Variants in GPHN observed in about 807,000 individuals in gnomAD.
GPHN encodes gephyrin.
GPHN carries 17 observed loss-of-function variants against 95.5 expected under a neutral mutation model. That is an observed-to-expected ratio of 0.18 (90% CI 0.12 to 0.27). The LOEUF (loss-of-function observed/expected upper bound fraction) is 0.27. GPHN is among the 10% of genes least tolerant of loss of function. GPHN has a pLI of 1.00. For synonymous variants in GPHN, 320 were observed against 322.5 expected (o/e 0.99, Z 0.08); for missense variants, 660 against 978.1 (o/e 0.67, Z 4.34).
At chr14:67,644,030 T>C in the GPHN span, among the ~76,000 whole-genome samples, 2 of 152,244 alleles carry the variant, frequency 1.3e-5, no homozygotes, top group East Asian at 3.8e-4. Flanking sequence ...TTCTGAGTTC[T>C]GGTCAAGTCT....
chr14:67,230,973 T>TCCAGGCTGTATATGTTACCTGC, the GPHN span, among the ~76,000 whole-genome samples: 1 of 152,340 alleles, frequency 6.6e-6, no homozygotes, highest in African/African-American at 2.4e-5. Flanking sequence ...CTTGCAGCTA[T>TCCAGGCTGTATATGTTACCTGC]CCAGGCTGTA....
intron 12 of GPHN, among the ~76,000 whole-genome samples, chr14:67,097,137 G>A (rs1371401503): frequency 1.3e-5 from 2 of 152,092 alleles, no homozygotes; most frequent in Non-Finnish European, 2.9e-5. Context: ...AGCAAATACT[G>A]TAAATATATT....
At chr14:66,546,975 C>G (rs1314937731) in intron 1 of GPHN, among the ~76,000 whole-genome samples, 2 of 152,110 alleles carry the variant, frequency 1.3e-5, no homozygotes, top group East Asian at 3.8e-4. Flanking sequence ...TTTTCTTTCT[C>G]TATTTCTTAA....
chr14:67,585,359 C>T, the GPHN span: 1 of 545,864 alleles, frequency 1.8e-6, no homozygotes, highest in Non-Finnish European at 3.3e-6. Flanking sequence ...AGTAGGTGGC[C>T]AGAGCCCCAA....
intron 10 of GPHN, among the ~76,000 whole-genome samples, chr14:67,024,527 T>A (rs114274634): frequency 4.9e-4 from 75 of 152,342 alleles, no homozygotes; most frequent in Middle Eastern, 3.4e-3. Flanking sequence ...TAGCAGTATG[T>A]CAGCATTATT....
chr14:67,199,594 C>T, the GPHN span: 6 of 1,590,898 alleles, frequency 3.8e-6, no homozygotes, highest in Admixed American at 3.3e-5. Context: ...CTTATGCCTT[C>T]GAGAAGGACT....
the GPHN span, among the ~76,000 whole-genome samples, chr14:67,632,112 C>T: frequency 6.6e-6 from 1 of 152,102 alleles, no homozygotes; most frequent in Non-Finnish European, 1.5e-5. Context: ...GTCTCAAACT[C>T]CTAGACTCAA....
the GPHN span, among the ~76,000 whole-genome samples, chr14:67,674,161 C>A: frequency 6.6e-6 from 1 of 152,208 alleles, no homozygotes; most frequent in Non-Finnish European, 1.5e-5. Flanking sequence ...ATGTGGAAGG[C>A]CATAGAAGGA....
chr14:66,956,409 A>T (rs1300906359), intron 8 of GPHN, among the ~76,000 whole-genome samples: 1 of 152,140 alleles, frequency 6.6e-6, no homozygotes, highest in African/African-American at 2.4e-5. Flanking sequence ...CAGTAATGGG[A>T]TGGCTGGGTC....
intron 1 of GPHN, among the ~76,000 whole-genome samples, chr14:66,604,649 T>G (rs1250961486): frequency 2.0e-5 from 3 of 152,184 alleles, no homozygotes; most frequent in Admixed American, 1.3e-4. Flanking sequence ...AATGCATATG[T>G]CTGATTTAAA....
chr14:67,510,377 C>T, the GPHN span, among the ~76,000 whole-genome samples: 3 of 152,272 alleles, frequency 2.0e-5, no homozygotes, highest in South Asian at 4.1e-4. Context: ...CAACCATCAG[C>T]TCACACACAG....
At chr14:67,101,924 T>C (rs2077721772) in intron 13 of GPHN, among the ~76,000 whole-genome samples, 1 of 151,986 alleles carries the variant, frequency 6.6e-6, no homozygotes, top group African/African-American at 2.4e-5. Context: ...CAGGCTGGAG[T>C]GCAGTGGCGC....
intron 1 of GPHN, among the ~76,000 whole-genome samples, chr14:66,513,175 A>G (rs2058105918): frequency 6.6e-6 from 1 of 151,792 alleles, no homozygotes. Flanking sequence ...TTGGTCAAAG[A>G]CTTGAAAAAG....
intron 11 of GPHN, among the ~76,000 whole-genome samples, chr14:67,080,702 C>A (rs1294274276): frequency 1.3e-5 from 2 of 151,890 alleles, no homozygotes; most frequent in African/African-American, 2.4e-5. Context: ...TCTGGTGCAC[C>A]CATCACCCAA....
rs534086967 is a variant in GPHN, at chr14:66,625,664, A to T, written c.65-55443A>T. 2.0e-5 allele frequency among the ~76,000 whole-genome samples: 3 copies of T among 152,218 alleles called. No individual in the cohort carries two copies. The East Asian group carries it at 5.8e-4, about 29-fold the overall frequency. ...CTGTTTGTAATAATACCCTGTTCTT[A>T]TGTCAAGTACACAATTTGTCAGTCT... On this transcript the variant is annotated intron_variant, in intron 1 of 22. Coordinates refer to ENST00000478722, the MANE Select transcript of GPHN (RefSeq NM_020806.5).
the GPHN span, among the ~76,000 whole-genome samples, chr14:67,419,479 C>T: frequency 6.6e-6 from 1 of 152,148 alleles, no homozygotes; most frequent in African/African-American, 2.4e-5. Context: ...AAATGGGGGC[C>T]GGAGGTGCAG....
chr14:66,594,819 G>C (rs1251505791), intron 1 of GPHN, among the ~76,000 whole-genome samples: 1 of 151,938 alleles, frequency 6.6e-6, no homozygotes, highest in Non-Finnish European at 1.5e-5. Flanking sequence ...TAGACAAATA[G>C]GATGACATCA....
chr14:67,690,047 C>A, the GPHN span: 2,888 of 609,556 alleles, frequency 4.7e-3, 41 homozygotes, highest in African/African-American at 0.036. Flanking sequence ...CCCAGCCAGC[C>A]ACCTCCAATA....
the GPHN span, among the ~76,000 whole-genome samples, chr14:67,402,961 G>A: frequency 6.6e-6 from 1 of 152,128 alleles, no homozygotes; most frequent in Admixed American, 6.5e-5. Flanking sequence ...TGGATCACAT[G>A]GTAGCTCTAT....
Sources: allele counts gnomAD v4.1 joint callset (sites outside exome capture counted in the v4.1 genomes callset), GRCh38; gene constraint gnomAD v4.1.1; transcripts MANE v1.5; gene names NCBI Gene and HGNC (gene_info 2026-07-23, HGNC 2026-07-21).